The following PLXNA4 variants were observed in gnomAD, a reference collection of about 807,000 sequenced individuals.
PLXNA4 encodes plexin-A4.
In PLXNA4, 44 loss-of-function variants were observed where a neutral mutation model predicts 191.8. That is an observed-to-expected ratio of 0.23 (90% CI 0.18 to 0.29). The LOEUF is 0.29. Ranked by LOEUF, PLXNA4 falls within the 10% of genes least tolerant of loss-of-function variation. The probability of loss-of-function intolerance (pLI) is 1.00; values close to 1 mark genes in which losing one functional copy is unlikely to be tolerated. For synonymous variants in PLXNA4, 1,082 were observed against 1,009.5 expected (o/e 1.07, Z -1.36); for missense variants, 1,800 against 2,488.8 (o/e 0.72, Z 5.89).
Position 132,194,707 on chromosome 7 carries a change from G to C in PLXNA4, c.2739-528C>G, listed in dbSNP as rs1052441647. On this transcript the variant is annotated intron_variant, in intron 13 of 31. Coordinates refer to ENST00000321063, the MANE Select transcript of PLXNA4 (RefSeq NM_020911.2). ...GGTGAGGGGATAATTGAGTGTGTGT[G>C]TGTATGTGTGTGTATGCGTGTGTGA... is the stretch of plus-strand genomic sequence containing the variant. 2.6e-5 allele frequency among the ~76,000 whole-genome samples: 4 copies of C among 152,138 alleles called. No homozygotes were observed. In the East Asian group the frequency reaches 7.7e-4, roughly 29 times the overall value.
intron 3 of PLXNA4, among the ~76,000 whole-genome samples, chr7:132,456,535 G>C (rs1023057347): frequency 7.2e-5 from 11 of 152,228 alleles, no homozygotes; most frequent in African/African-American, 2.7e-4. Flanking sequence ...ACCGGGTCTG[G>C]ACAGTGATAG....
intron 3 of PLXNA4, among the ~76,000 whole-genome samples, chr7:132,330,393 A>G (rs975244871): frequency 6.6e-6 from 1 of 152,210 alleles, no homozygotes; most frequent in Non-Finnish European, 1.5e-5. Flanking sequence ...CCTTTCCAGT[A>G]ATCACTGAGT....
rs1481109161 is a variant in PLXNA4, at chr7:132,499,607, A to C, written c.1188+7899T>G. 3.9e-5 allele frequency among the ~76,000 whole-genome samples: 6 copies of C among 152,306 alleles called. No homozygotes were observed. In the East Asian group the frequency reaches 9.7e-4, roughly 25 times the overall value. ...CAGCAGCCACAAGGGCTGTCATTGA[A>C]GTGAGAAATACCATGATGATTAAGT... On this transcript the variant is annotated intron_variant, in intron 2 of 31. Transcript: ENST00000321063.
intron 1 of PLXNA4, among the ~76,000 whole-genome samples, chr7:132,513,065 T>C (rs1463943335): frequency 6.6e-6 from 1 of 152,234 alleles, no homozygotes; most frequent in Non-Finnish European, 1.5e-5. Flanking sequence ...TTTCCCTTCT[T>C]TGAAATCAGA....
Position 132,508,876 on chromosome 7 carries a change from A to G in PLXNA4, c.-86-97T>C, listed in dbSNP as rs1798595412. 3 of 1,172,604 alleles carry G rather than the reference A, an allele frequency of 2.6e-6. No individual in the cohort carries two copies. The highest frequency in any genetic ancestry group is 1.5e-5 in the African/African-American group (1 of 64,778). 72.6% of individuals were successfully genotyped at this position (1,172,604 alleles called of 1,614,324 possible). A position where few individuals can be genotyped will look rare whatever the true frequency, so the allele number is the denominator to read the frequency against. ...TGGACTTTCAAAATGTTCTGCACAC[A>G]CTGAGCAGAACTGCACTGGGGGGTG... On this transcript the variant is annotated intron_variant, in intron 1 of 31. Coordinates refer to ENST00000321063, the MANE Select transcript of PLXNA4 (RefSeq NM_020911.2). The surrounding 1 kb of genome is among the most constrained non-coding windows in gnomAD (Gnocchi z 4.4).
chr7:132,412,514 C>T (rs1028560474), intron 3 of PLXNA4, among the ~76,000 whole-genome samples: 7 of 152,140 alleles, frequency 4.6e-5, no homozygotes, highest in Admixed American at 6.5e-5. Context: ...GAGCTGACAA[C>T]GAAATCCTGT....
intron 3 of PLXNA4, among the ~76,000 whole-genome samples, chr7:132,388,703 G>A (rs554149440): frequency 6.6e-6 from 1 of 152,326 alleles, no homozygotes; most frequent in African/African-American, 2.4e-5. Context: ...GGGGCCTTAA[G>A]TTGGGACTAC....
intron 22 of PLXNA4, among the ~76,000 whole-genome samples, chr7:132,166,642 C>T (rs550029977): frequency 5.3e-5 from 8 of 151,402 alleles, no homozygotes; most frequent in African/African-American, 7.3e-5. Context: ...GGTGGGCAGC[C>T]GGGGGCAAGA....
At chr7:132,207,865 A>T (rs902042440) in intron 10 of PLXNA4, among the ~76,000 whole-genome samples, 2 of 152,208 alleles carry the variant, frequency 1.3e-5, no homozygotes, top group African/African-American at 4.8e-5. Context: ...TGGGGTAGAA[A>T]GTGCCCTTCG....
At chr7:132,165,820 CTG>C (rs1796106028) in intron 22 of PLXNA4, among the ~76,000 whole-genome samples, 2 of 152,088 alleles carry the variant, frequency 1.3e-5, no homozygotes, top group South Asian at 2.1e-4. Flanking sequence ...GATGGCCAAA[CTG>C]AGTCCACAGC....
intron 3 of PLXNA4, among the ~76,000 whole-genome samples, chr7:132,402,369 A>G (rs937438204): frequency 1.3e-5 from 2 of 152,184 alleles, no homozygotes; most frequent in Non-Finnish European, 2.9e-5. Context: ...CTCACCTAAC[A>G]TGAGGAAGCC....
At chr7:132,631,082 C>T (rs1170111420) in intron 2 of PLXNA4, among the ~76,000 whole-genome samples, 1 of 152,196 alleles carries the variant, frequency 6.6e-6, no homozygotes, top group Non-Finnish European at 1.5e-5. Context: ...GACTCAACCA[C>T]TTGCATAAAA....
At chr7:132,492,084 G>A (rs371780240) in intron 2 of PLXNA4, among the ~76,000 whole-genome samples, 28 of 152,324 alleles carry the variant, frequency 1.8e-4, no homozygotes, top group Middle Eastern at 3.4e-3. Context: ...GACCTCTGGC[G>A]TCGCAAACTC....
At chr7:132,328,345 T>C (rs1802454796) in intron 3 of PLXNA4, among the ~76,000 whole-genome samples, 1 of 152,012 alleles carries the variant, frequency 6.6e-6, no homozygotes, top group Non-Finnish European at 1.5e-5. Context: ...TGTGTCACCC[T>C]CCCCCACCCC....
At chr7:132,234,411 G>A (rs1798626524) in intron 5 of PLXNA4, among the ~76,000 whole-genome samples, 1 of 152,202 alleles carries the variant, frequency 6.6e-6, no homozygotes, top group Non-Finnish European at 1.5e-5. Flanking sequence ...GTGAATGCTG[G>A]AATATGGGTG....
In PLXNA4 at chr7:132,344,096, C is replaced by A. The variant is rs545692129; in HGVS notation, c.1372-45874G>T. Among the ~76,000 whole-genome samples, 33 of 152,190 alleles carry A rather than the reference C, an allele frequency of 2.2e-4. 1 individual carries two copies. The South Asian group carries it at 6.4e-3, about 30-fold the overall frequency. On this transcript the variant is annotated intron_variant, in intron 3 of 31. Coordinates refer to ENST00000321063, the MANE Select transcript of PLXNA4 (RefSeq NM_020911.2). ...ATTACTGTGTCTTATCAGGATGACA[C>A]CAGTGCAGTTGTTTCCTGCATGTAG...
At position 132,124,144 on chromosome 7, in the gene PLXNA4, G is replaced by A. The variant is rs898703888; in HGVS notation, c.*6335C>T. The A allele has an allele frequency of 3.3e-5, 5 of 152,242 alleles. No homozygotes were observed. Among genetic ancestry groups the A allele is most frequent in the African/African-American group, 1.2e-4 (5 of 41,472 alleles). 9.4% of individuals were successfully genotyped at this position (152,242 alleles called of 1,614,324 possible). On this transcript the variant is annotated 3_prime_UTR_variant, in exon 32 of 32. Coordinates refer to ENST00000321063, the MANE Select transcript of PLXNA4 (RefSeq NM_020911.2). ...AAGACCGTATGTCTCAAGGACACCA[G>A]GCCAAGGTAGGGAGTGGTGAGGGGA...
chr7:132,145,161 C>G lies in PLXNA4; in HGVS notation c.5183G>C (p.Gly1728Ala). ...ATGGCGGACGTGCGGGTCATGAATG[C>G]CATGTTTATCAGCCTGCTCATCCAG... ...DFLDEQADKH[G>A]IHDPHVRHTW... is the part of the protein sequence containing the mutation. The change falls in exon 29 of 32, where the codon GGC (glycine) becomes GCC (alanine). Residue 1728 changes from glycine to alanine, a missense_variant. Gly to Ala is a moderately conservative substitution (Grantham distance 60). This residue lies in a region of PLXNA4 where 101 missense variants were observed against 182.8 expected (regional missense o/e 0.55). Coordinates refer to ENST00000321063, the MANE Select transcript of PLXNA4 (RefSeq NM_020911.2). 6.2e-7 allele frequency: 1 copy of G among 1,614,156 alleles called. No homozygotes were observed. Among genetic ancestry groups the G allele is most frequent in the Non-Finnish European group, 8.5e-7 (1 of 1,180,024 alleles).
At chr7:132,482,484 G>A (rs1274035856) in intron 3 of PLXNA4, among the ~76,000 whole-genome samples, 1 of 152,144 alleles carries the variant, frequency 6.6e-6, no homozygotes, top group Non-Finnish European at 1.5e-5. Flanking sequence ...GCAGTGGGAT[G>A]ACTGCAGCCC....
Sources: gnomAD v4.1 joint callset for allele counts (sites outside exome capture counted in the v4.1 genomes callset) on GRCh38, gnomAD v4.1.1 for gene constraint, gnomAD v4.1.1 regional missense constraint, Gnocchi (gnomAD v3.1) non-coding constraint, MANE v1.5 for transcripts, NCBI Gene and HGNC (gene_info 2026-07-23, HGNC 2026-07-21) for gene names.